The following DPYSL3 variants were observed in gnomAD, a reference collection of about 807,000 sequenced individuals.
The protein encoded by DPYSL3 is dihydropyrimidinase like 3, also known as dihydropyrimidinase-related protein 3.
Under a neutral mutation model 66.1 loss-of-function variants are expected in DPYSL3, and 16 were observed. The observed-to-expected ratio is 0.24, with a 90% CI of 0.16 to 0.37. The LOEUF (loss-of-function observed/expected upper bound fraction) is 0.37, where lower values mean the gene tolerates loss of function less well. DPYSL3 is among the 10% of genes least tolerant of loss of function. The pLI is 1.00. For synonymous variants in DPYSL3, 338 were observed against 345.1 expected, an observed-to-expected ratio of 0.98 and a Z score of 0.23; for missense variants, 738 against 916.2, an observed-to-expected ratio of 0.81 and a Z score of 2.51.
intron 11 of DPYSL3, 65 bp from the exon 12 acceptor site, chr5:147,397,910 CTTGAGACCTTCAGTGTCAT>C: frequency 1.4e-6 from 2 of 1,432,140 alleles, no homozygotes; most frequent in East Asian, 2.4e-5. Context: ...ACCTTCTCTC[CTTGAGACCTTCAGTGTCAT>C]TTGCTGCTGA....
chr5:147,496,446 A>G (rs1753510046), intron 1 of DPYSL3, among the ~76,000 whole-genome samples: 1 of 152,186 alleles, frequency 6.6e-6, no homozygotes, highest in South Asian at 2.1e-4. Flanking sequence ...AGAAACTACC[A>G]TCAGAGTGAA....
At chr5:147,424,816 T>G in intron 2 of DPYSL3, 59 bp downstream of exon 2, 16 of 1,283,644 alleles carry the variant, frequency 1.2e-5, no homozygotes, top group African/African-American at 3.0e-5. Flanking sequence ...ACCTCCTTTA[T>G]GAGCCATTAA....
intron 1 of DPYSL3, among the ~76,000 whole-genome samples, chr5:147,475,583 A>G (rs1753144805): frequency 6.6e-6 from 1 of 152,170 alleles, no homozygotes; most frequent in Non-Finnish European, 1.5e-5. Flanking sequence ...ATGGAAAATT[A>G]TTCAAAGGAA....
intron 1 of DPYSL3, among the ~76,000 whole-genome samples, chr5:147,478,471 G>A (rs1350209822): frequency 6.6e-6 from 1 of 152,196 alleles, no homozygotes. Flanking sequence ...AGGCAGCCAA[G>A]AGAGTCCAAG....
intron 9 of DPYSL3, 55 bp from the exon 10 acceptor site, chr5:147,400,888 G>A: frequency 1.3e-6 from 2 of 1,587,080 alleles, no homozygotes; most frequent in East Asian, 4.5e-5. Context: ...AGGCACACTG[G>A]GAGCTTAGAG....
At chr5:147,453,727 C>G in intron 1 of DPYSL3, 1 of 1,318,050 alleles carries the variant, frequency 7.6e-7, no homozygotes. Context: ...CCGCCCGCCT[C>G]CGCCCCCCTC....
intron 9 of DPYSL3, 117 bp from the exon 10 acceptor site, chr5:147,400,950 CT>C: frequency 7.7e-7 from 1 of 1,292,202 alleles, no homozygotes; most frequent in Non-Finnish European, 1.0e-6. Flanking sequence ...TTTGGAATGC[CT>C]CCTCTACCTC....
chr5:147,413,641 C>T lies in DPYSL3; in HGVS notation c.837G>A (p.Met279Ile). Reference protein sequence around the residue: ...LIKDKGVNSFMVYMAYKDLYQ... With the variant: ...LIKDKGVNSFIVYMAYKDLYQ... ...ACAAATCCTTATAAGCCATATAAAC[C>T]ATGAAGGAGTTAACCCCTGCAAAAG... Residue 279 changes from methionine to isoleucine, a missense_variant, in exon 5 of 14, where the codon ATG becomes ATA. Met to Ile is a conservative substitution (Grantham distance 10). Coordinates refer to ENST00000343218, the MANE Select transcript of DPYSL3 (RefSeq NM_001197294.2). The T allele has an allele frequency of 6.2e-7, 1 of 1,612,876 alleles. No individual in the cohort carries two copies. Among genetic ancestry groups the T allele is most frequent in the Non-Finnish European group, 8.5e-7 (1 of 1,179,206 alleles).
intron 4 of DPYSL3, among the ~76,000 whole-genome samples, chr5:147,414,913 G>A (rs1268570954): frequency 6.6e-6 from 1 of 152,048 alleles, no homozygotes; most frequent in East Asian, 1.9e-4. Context: ...TGTTCTTCAT[G>A]AGCCTGTTTT....
intron 2 of DPYSL3, among the ~76,000 whole-genome samples, chr5:147,420,436 C>G (rs1008608635): frequency 6.6e-6 from 1 of 152,122 alleles, no homozygotes; most frequent in African/African-American, 2.4e-5. Context: ...CTTGGTAATG[C>G]TAGGTCCTTT....
chr5:147,489,833 TG>T (rs1753388815), intron 1 of DPYSL3, among the ~76,000 whole-genome samples: 1 of 152,000 alleles, frequency 6.6e-6, no homozygotes. Flanking sequence ...GGGTGAGGGC[TG>T]AAAAGTTACC....
At chr5:147,452,324 A>T (rs1752746053) in intron 1 of DPYSL3, among the ~76,000 whole-genome samples, 1 of 152,004 alleles carries the variant, frequency 6.6e-6, no homozygotes, top group Non-Finnish European at 1.5e-5. Context: ...CCTGCAAATC[A>T]ACTACTGTGG....
intron 1 of DPYSL3, among the ~76,000 whole-genome samples, chr5:147,467,150 C>CA (rs757511697): frequency 1.8e-4 from 27 of 152,022 alleles, no homozygotes; most frequent in Non-Finnish European, 3.4e-4. Flanking sequence ...ACATAAGAGG[C>CA]AAAAAACAGA....
chr5:147,463,686 A>G (rs538113454), intron 1 of DPYSL3, among the ~76,000 whole-genome samples: 192 of 152,250 alleles, frequency 1.3e-3, no homozygotes, highest in Admixed American at 1.9e-3. Context: ...AGGCACAGTG[A>G]CAGGGCTAGA....
At chr5:147,503,337 G>T (rs1370387527) in intron 1 of DPYSL3, among the ~76,000 whole-genome samples, 3 of 152,098 alleles carry the variant, frequency 2.0e-5, no homozygotes, top group African/African-American at 7.2e-5. Flanking sequence ...TAAAGACAGG[G>T]TCTCACTGTC....
chr5:147,509,874 G>T lies in DPYSL3; in HGVS notation c.-16C>A, dbSNP rs1261110344. On this transcript the variant is annotated 5_prime_UTR_variant, in exon 1 of 14. Coordinates refer to ENST00000343218, the MANE Select transcript of DPYSL3 (RefSeq NM_001197294.2). This position sits in a 1 kb window ranked among gnomAD's most constrained non-coding sequence, Gnocchi z 5.3. ...CCGAGGCCATGGTTCAAGCACGAAA[G>T]CGGCCCGCGGGTTTTTCTTCCCCAG... The T allele has an allele frequency of 1.0e-5, 15 of 1,495,678 alleles. No individual in the cohort carries two copies. Among genetic ancestry groups the T allele is most frequent in the Non-Finnish European group, 1.3e-5 (15 of 1,122,280 alleles). The allele number at this position is 1,495,678 out of a possible 1,614,324, so 92.7% of individuals were successfully genotyped here.
chr5:147,398,844 G>A (rs191655058), intron 11 of DPYSL3, among the ~76,000 whole-genome samples: 1 of 152,340 alleles, frequency 6.6e-6, no homozygotes, highest in Non-Finnish European at 1.5e-5. Flanking sequence ...AACATATGTA[G>A]AGAGGAAGCC....
At chr5:147,454,199 A>T (rs1385398830) in intron 1 of DPYSL3, 1 of 151,790 alleles carries the variant, frequency 6.6e-6, no homozygotes, top group Non-Finnish European at 1.5e-5. Flanking sequence ...CAGAATGGAG[A>T]CGGTTCCCGG....
At chr5:147,503,660 T>TAC (rs771693802) in intron 1 of DPYSL3, among the ~76,000 whole-genome samples, 15 of 152,364 alleles carry the variant, frequency 9.8e-5, no homozygotes, top group Non-Finnish European at 1.9e-4. Context: ...TAAACATATA[T>TAC]ACACACACAA....
Sources: gnomAD v4.1 joint callset for allele counts (sites outside exome capture counted in the v4.1 genomes callset) on GRCh38, gnomAD v4.1.1 for gene constraint, Gnocchi (gnomAD v3.1) non-coding constraint, MANE v1.5 for transcripts, NCBI Gene and HGNC (gene_info 2026-07-23, HGNC 2026-07-21) for gene names.